SANBR: variants seen among roughly 807,000 people sequenced by gnomAD.
The protein encoded by SANBR is SANT and BTB domain regulator of class switch recombination.
A neutral mutation model predicts 101.8 loss-of-function variants in SANBR; 77 were observed. The observed-to-expected ratio is 0.76, with a 90% CI of 0.63 to 0.91. SANBR has a LOEUF of 0.91. SANBR is among the 40% of genes least tolerant of loss of function. SANBR has a pLI of 0.00. For missense variants in SANBR, 875 were observed against 853.0 expected, an observed-to-expected ratio of 1.03 and a Z score of -0.32; for synonymous variants, 279 against 274.7, an observed-to-expected ratio of 1.02 and a Z score of -0.15.
chr2:61,098,325 A>T (rs1683132443), intron 12 of SANBR, among the ~76,000 whole-genome samples: 1 of 152,088 alleles, frequency 6.6e-6, no homozygotes, highest in Non-Finnish European at 1.5e-5. Context: ...GCTGGTCTCG[A>T]ACTCATGAGC....
chr2:61,099,908 T>C (rs151286977), intron 12 of SANBR, among the ~76,000 whole-genome samples: 1 of 152,212 alleles, frequency 6.6e-6, no homozygotes, highest in African/African-American at 2.4e-5. Context: ...CCTTTGGCCT[T>C]AGTGACAGGG....
chr2:61,134,680 G>A (rs961173888), intron 21 of SANBR, among the ~76,000 whole-genome samples: 3 of 151,934 alleles, frequency 2.0e-5, no homozygotes, highest in Non-Finnish European at 2.9e-5. Context: ...GGATCACAAC[G>A]TCAGGATTGA....
Position 61,123,202 on chromosome 2 carries a change from T to C in SANBR, c.*1040T>C, listed in dbSNP as rs145474139. On this transcript the variant is annotated 3_prime_UTR_variant, in exon 22 of 22. Coordinates refer to ENST00000402291, the MANE Select transcript of SANBR (RefSeq NM_001129993.3). ...TAATAAATTATGTGTTTGTAAATTA[T>C]ATGTAGGTCTCTGAAAAACTTTAAG... 1,298 of 976,760 alleles carry C rather than the reference T, an allele frequency of 1.3e-3. 11 individuals carry two copies. In the African/African-American group the frequency reaches 0.021, roughly 16 times the overall value. 60.5% of individuals were successfully genotyped at this position (976,760 alleles called of 1,614,324 possible). A position where few individuals can be genotyped will look rare whatever the true frequency, so the allele number is the denominator to read the frequency against.
intron 12 of SANBR, among the ~76,000 whole-genome samples, chr2:61,099,291 G>A (rs529660797): frequency 4.6e-5 from 7 of 152,212 alleles, no homozygotes; most frequent in Non-Finnish European, 7.3e-5. Context: ...GTGGAATCAC[G>A]TACAAAAGGA....
downstream of SANBR, among the ~76,000 whole-genome samples, chr2:61,127,207 A>C (rs1382896642): frequency 5.3e-5 from 8 of 152,296 alleles, no homozygotes; most frequent in Admixed American, 1.3e-4. Context: ...GGAGCAGCTG[A>C]CACTAAAAAC....
At chr2:61,098,154 A>G (rs1397674527) in intron 12 of SANBR, among the ~76,000 whole-genome samples, 2 of 144,206 alleles carry the variant, frequency 1.4e-5, no homozygotes, top group African/African-American at 5.2e-5. Flanking sequence ...CCCAGGGTGG[A>G]GTGCAGTGGT....
intron 4 of SANBR, 85 bp from the exon 5 acceptor site, chr2:61,073,373 C>T (rs954850143): frequency 1.8e-6 from 1 of 570,320 alleles, no homozygotes; most frequent in Non-Finnish European, 3.1e-6. Flanking sequence ...ACAGTATTAC[C>T]ATTCAATAAA....
intron 13 of SANBR, 107 bp from the exon 14 acceptor site, chr2:61,106,456 T>C: frequency 1.4e-6 from 1 of 691,524 alleles, no homozygotes; most frequent in Non-Finnish European, 2.5e-6. Context: ...ACTCAGGAAC[T>C]GTATTTCTAA....
intron 16 of SANBR, among the ~76,000 whole-genome samples, chr2:61,115,508 C>T (rs1389101929): frequency 6.6e-6 from 1 of 151,964 alleles, no homozygotes; most frequent in East Asian, 1.9e-4. Flanking sequence ...AATTTTTGTA[C>T]TTTTAGTATA....
chr2:61,108,471 C>A, intron 15 of SANBR, 122 bp downstream of exon 15: 1 of 584,106 alleles, frequency 1.7e-6, no homozygotes, highest in East Asian at 3.2e-5. Flanking sequence ...TCTTCCTTTT[C>A]AGATTCTCCT....
At chr2:61,094,876 C>A (rs1292339008) in intron 11 of SANBR, among the ~76,000 whole-genome samples, 1 of 152,092 alleles carries the variant, frequency 6.6e-6, no homozygotes, top group Non-Finnish European at 1.5e-5. Flanking sequence ...AACTCCTGAC[C>A]TCAGGTGATC....
At position 61,071,718 on chromosome 2, in the gene SANBR, T is replaced by C; in HGVS notation, c.263T>C (p.Ile88Thr). The change falls in exon 4 of 22, where the codon ATC becomes ACC. Residue 88 changes from isoleucine (I) to threonine (T), a missense_variant. Physicochemically the swap from Ile to Thr is moderately conservative, Grantham distance 89 (BLOSUM62 -1). Coordinates refer to ENST00000402291, the MANE Select transcript of SANBR (RefSeq NM_001129993.3). ...CCTGTTGAAACTTTAGCCACATATA[T>C]CAAATCCTCACTTCTTGACATACAT... ...ESPVETLATY[I>T]KSSLLDIHGE... 6.2e-7 allele frequency: 1 copy of C among 1,608,334 alleles called. No homozygotes were observed. Among genetic ancestry groups the C allele is most frequent in the East Asian group, 2.2e-5 (1 of 44,754 alleles).
chr2:61,128,071 G>A (rs1490557108), downstream of SANBR, among the ~76,000 whole-genome samples: 1 of 151,844 alleles, frequency 6.6e-6, no homozygotes, highest in Non-Finnish European at 1.5e-5. Flanking sequence ...AGGAGATTGA[G>A]ACCATCCTGG....
intron 6 of SANBR, among the ~76,000 whole-genome samples, chr2:61,077,597 AAAG>A (rs1681863351): frequency 6.6e-6 from 1 of 152,130 alleles, no homozygotes. Context: ...AGAAAAAAAA[AAAG>A]AAAAGAAAAA....
chr2:61,116,954 G>C (rs1055436248), intron 17 of SANBR: 2 of 188,708 alleles, frequency 1.1e-5, no homozygotes, highest in African/African-American at 4.7e-5. Context: ...CTACTCAGGA[G>C]GCTGAGGTGC....
downstream of SANBR, among the ~76,000 whole-genome samples, chr2:61,128,422 G>A (rs1684580213): frequency 6.6e-6 from 1 of 152,166 alleles, no homozygotes; most frequent in Non-Finnish European, 1.5e-5. Context: ...TGCGAGGCCA[G>A]GGAGGGAGGA....
At chr2:61,071,856 C>CTG in intron 4 of SANBR, 64 bp downstream of exon 4, 1 of 980,536 alleles carries the variant, frequency 1.0e-6, no homozygotes, top group Non-Finnish European at 1.5e-6. Flanking sequence ...ATTATATATT[C>CTG]CAATCAACTT....
In SANBR at chr2:61,111,514, A is replaced by G. The variant is rs1683830318; in HGVS notation, c.1744+2218A>G. Among the ~76,000 whole-genome samples, 4 of 152,240 alleles carry G rather than the reference A, an allele frequency of 2.6e-5. No individual in the cohort carries two copies. In the South Asian group the frequency reaches 6.2e-4, roughly 24 times the overall value. On this transcript the variant is annotated intron_variant, in intron 16 of 21. Transcript: ENST00000402291. ...CTGGTTCTTTAGCAATTTTGTGTCC[A>G]TTTTAATTAGTAAAGGAGAAAATTC... is the stretch of plus-strand genomic sequence containing the variant.
intron 20 of SANBR, among the ~76,000 whole-genome samples, chr2:61,133,561 TG>T (rs1392096010): frequency 6.6e-6 from 1 of 152,128 alleles, no homozygotes; most frequent in Non-Finnish European, 1.5e-5. Flanking sequence ...AAGACCGGCC[TG>T]GGCAACATAC....
Sources: allele counts gnomAD v4.1 joint callset (sites outside exome capture counted in the v4.1 genomes callset), GRCh38; gene constraint gnomAD v4.1.1; transcripts MANE v1.5; gene names NCBI Gene and HGNC (gene_info 2026-07-23, HGNC 2026-07-21).